The following SSX1 variants were observed in gnomAD, a reference collection of about 807,000 sequenced individuals.
SSX1 encodes the protein SSX family member 1, also known as protein SSX1.
SSX1 carries 58 observed loss-of-function variants against 14.6 expected under a neutral mutation model. The observed-to-expected ratio is 3.96, with a 90% CI of 3.21 to 4.93. The LOEUF (loss-of-function observed/expected upper bound fraction) is 4.93. SSX1 is among the 30% of genes most tolerant of loss of function. The probability of loss-of-function intolerance (pLI) is 0.00; values close to 1 mark genes in which losing one functional copy is unlikely to be tolerated. For synonymous variants in SSX1, 46 were observed against 52.1 expected (o/e 0.88, Z 0.50); for missense variants, 272 against 143.1 (o/e 1.90, Z -4.60).
rs73499225 is a variant in SSX1 at position 48,263,819 on chromosome X, C to G, written c.368C>G (p.Ser123Trp). Residue 123 changes from serine (S) to tryptophan (W), a missense_variant, in exon 6 of 8, where the codon TCG (serine) becomes TGG (tryptophan). Ser to Trp is a radical substitution (Grantham distance 177). Transcript: ENST00000376919. ...PKKPAEDENDSKGVSEASGPQ... is the reference protein window; with the variant it reads ...PKKPAEDENDWKGVSEASGPQ... ...AAGCCAGCAGAGGACGAAAATGATT[C>G]GAAGGGAGTGTCAGAAGCATCTGGC... The G allele has an allele frequency of 1.7e-6, 2 of 1,211,134 alleles. No homozygotes were observed. The highest frequency in any genetic ancestry group is 2.2e-6 in the Non-Finnish European group (2 of 895,246).
rs781893593 is a variant in SSX1, at chrX:48,266,727, G to A, written c.*5-127G>A. The A allele has an allele frequency of 3.1e-4, 161 of 521,368 alleles. 1 individual carries two copies. In the South Asian group the frequency reaches 4.3e-3, roughly 14 times the overall value. The allele number at this position is 521,368 out of a possible 1,213,427, so 43.0% of individuals were successfully genotyped here. On this transcript the variant is annotated intron_variant, in intron 7 of 7. Coordinates refer to ENST00000376919, the MANE Select transcript of SSX1 (RefSeq NM_005635.4). ...TTCACTTCGAGGAACCATGGAAGGC[G>A]TGTCCAGGTCCTGGGGTAGGGCAGA... is the stretch of plus-strand genomic sequence containing the variant.
At chrX:48,259,099 C>A (rs189725410) in intron 4 of SSX1, among the ~76,000 whole-genome samples, 2,619 of 111,519 alleles carry the variant, frequency 0.023, 87 homozygotes, top group African/African-American at 0.081. Context: ...CGGGTTCAAA[C>A]GATTCTCCTG....
At chrX:48,263,665 C>G in intron 5 of SSX1, 117 bp from the exon 6 acceptor site, 8 of 1,022,183 alleles carry the variant, frequency 7.8e-6, no homozygotes, top group Non-Finnish European at 1.1e-5. Context: ...AAGTGTAACT[C>G]TCCCCGCGTT....
intron 5 of SSX1, among the ~76,000 whole-genome samples, 192 bp downstream of exon 5, chrX:48,262,007 T>C (rs1444537179): frequency 6.2e-5 from 7 of 112,160 alleles, no homozygotes; most frequent in African/African-American, 2.3e-4. Context: ...TTTGTTTTCA[T>C]AGTGATGCCA....
chrX:48,265,773 C>T (rs782551706), intron 6 of SSX1, among the ~76,000 whole-genome samples: 1 of 111,397 alleles, frequency 9.0e-6, no homozygotes, highest in African/African-American at 3.3e-5. Flanking sequence ...AGTATATACA[C>T]CTACTGTGTA....
intron 5 of SSX1, among the ~76,000 whole-genome samples, chrX:48,262,356 T>C (rs1426807844): frequency 2.7e-5 from 3 of 112,300 alleles, no homozygotes; most frequent in African/African-American, 9.7e-5. Context: ...CATTTAAAGC[T>C]CATTCACGTT....
intron 5 of SSX1, among the ~76,000 whole-genome samples, chrX:48,262,120 A>G (rs1556935582): frequency 8.9e-6 from 1 of 112,401 alleles, no homozygotes; most frequent in Non-Finnish European, 1.9e-5. Flanking sequence ...TGAGTCACAC[A>G]CTTCGGTTGT....
At position 48,261,700 on chromosome X, in the gene SSX1, C is replaced by T. The variant is rs1427922075; in HGVS notation, c.281-66C>T. 1.7e-5 allele frequency: 19 copies of T among 1,139,524 alleles called. No individual in the cohort carries two copies. In the East Asian group the frequency reaches 1.8e-4, roughly 11 times the overall value. The allele number at this position is 1,139,524 out of a possible 1,213,427, so 93.9% of individuals were successfully genotyped here. A position where few individuals can be genotyped will look rare whatever the true frequency, so the allele number is the denominator to read the frequency against. On this transcript the variant is annotated intron_variant, in intron 4 of 7. Transcript: ENST00000376919. ...TCTGCTGCAGAATGCCCTCATGCAA[C>T]GGAAGTCTCTCCAGAGTTTGGAAAT...
Position 48,266,926 on chromosome X carries a change from C to G in SSX1, c.*77C>G. On this transcript the variant is annotated 3_prime_UTR_variant, in exon 8 of 8. Coordinates refer to ENST00000376919, the MANE Select transcript of SSX1 (RefSeq NM_005635.4). ...CCTTTCACGAACATGGGCATGGCTG[C>G]GGCTCCCTCGTCATCAGGTGCATAG... 5 of 1,060,935 alleles carry G rather than the reference C, an allele frequency of 4.7e-6. No individual in the cohort carries two copies. Among genetic ancestry groups the G allele is most frequent in the Non-Finnish European group, 6.5e-6 (5 of 772,235 alleles). The allele number at this position is 1,060,935 out of a possible 1,213,427, so 87.4% of individuals were successfully genotyped here.
Position 48,263,871 on chromosome X carries a change from C to T in SSX1, c.420C>T (p.His140=), listed in dbSNP as rs1556935959. The T allele has an allele frequency of 8.3e-7, 1 of 1,210,342 alleles. No individual in the cohort carries two copies. Among genetic ancestry groups the T allele is most frequent in the Non-Finnish European group, 1.1e-6 (1 of 894,647 alleles). The change falls in exon 6 of 8, where the codon CAC becomes CAT. Residue 140 remains histidine, a synonymous_variant. Transcript: ENST00000376919. ...CACAAAACGATGGGAAACAACTGCACCCCCCAGGAAAAGCAAATATTTCTG... is the reference window on the plus strand; with the variant it reads ...CACAAAACGATGGGAAACAACTGCATCCCCCAGGAAAAGCAAATATTTCTG... ...SGPQNDGKQL[H]PPGKANISEK...
intron 3 of SSX1, among the ~76,000 whole-genome samples, chrX:48,258,187 T>TTTTC (rs1177098251): frequency 2.9e-3 from 230 of 78,129 alleles, no homozygotes; most frequent in African/African-American, 0.011. Flanking sequence ...CTCTCTCCCT[T>TTTTC]TTTTTTTTTT....
intron 5 of SSX1, among the ~76,000 whole-genome samples, chrX:48,263,059 GGGA>G (rs1353468934): frequency 9.1e-6 from 1 of 110,128 alleles, no homozygotes; most frequent in Non-Finnish European, 1.9e-5. Context: ...GCTTGAACCG[GGGA>G]GGAGGAGATT....
intron 2 of SSX1, 100 bp from the exon 3 acceptor site, chrX:48,257,646 T>C (rs2059587086): frequency 8.8e-7 from 1 of 1,135,308 alleles, no homozygotes; most frequent in Non-Finnish European, 1.2e-6. Flanking sequence ...GGACGGATTA[T>C]CATCCTCACT....
At chrX:48,263,338 C>T (rs1227451355) in intron 5 of SSX1, among the ~76,000 whole-genome samples, 4 of 110,551 alleles carry the variant, frequency 3.6e-5, no homozygotes, top group African/African-American at 1.3e-4. Flanking sequence ...TATTCATCTC[C>T]CCACACCATC....
At chrX:48,264,250 A>G (rs1276065154) in intron 6 of SSX1, among the ~76,000 whole-genome samples, 1 of 112,279 alleles carries the variant, frequency 8.9e-6, no homozygotes, top group African/African-American at 3.2e-5. Context: ...AAGGTGCTCA[A>G]GCGATTCTAT....
chrX:48,264,720 C>G (rs1286132847), intron 6 of SSX1, among the ~76,000 whole-genome samples: 1 of 112,369 alleles, frequency 8.9e-6, no homozygotes, highest in Non-Finnish European at 1.9e-5. Context: ...TGATGCTATT[C>G]GATAGCATTT....
chrX:48,258,519 A>G lies in SSX1; in HGVS notation c.185-17A>G, dbSNP rs782412485. 35 of 1,172,058 alleles carry G rather than the reference A, an allele frequency of 3.0e-5. No homozygotes were observed. The South Asian group carries it at 5.7e-4, about 19-fold the overall frequency. On this transcript the variant is annotated splice_polypyrimidine_tract_variant and intron_variant, in intron 3 of 7. Transcript: ENST00000376919. ...TAAGTTTGTCCCTTAAGGAATAAAC[A>G]TTTTGCTTCTTTCTAGGTTTCAAAG...
At chrX:48,266,540 C>T in intron 7 of SSX1, 149 bp downstream of exon 7, 1 of 1,069,893 alleles carries the variant, frequency 9.3e-7, no homozygotes. Context: ...ATGAGATTTC[C>T]CATGCTCTTT....
At chrX:48,263,043 G>A (rs1204594956) in intron 5 of SSX1, among the ~76,000 whole-genome samples, 2 of 110,206 alleles carry the variant, frequency 1.8e-5, no homozygotes, top group Non-Finnish European at 3.8e-5. Context: ...CTGAGACAGG[G>A]GAATCGCTTG....
Sources: allele counts gnomAD v4.1 joint callset (sites outside exome capture counted in the v4.1 genomes callset), GRCh38; gene constraint gnomAD v4.1.1; transcripts MANE v1.5; gene names NCBI Gene and HGNC (gene_info 2026-07-23, HGNC 2026-07-21).